The following SIL1 variants were observed in gnomAD, a reference collection of about 807,000 sequenced individuals.
The protein encoded by SIL1 is nucleotide exchange factor SIL1.
SIL1 carries 40 observed loss-of-function variants against 49.1 expected under a neutral mutation model. The observed-to-expected ratio is 0.81, with a 90% confidence interval of 0.63 to 1.06. SIL1 has a LOEUF of 1.06. Among genes scored for constraint, SIL1 ranks in the 50% least tolerant of loss-of-function variants. SIL1 has a pLI of 0.00. For missense variants in SIL1, 500 were observed against 572.6 expected, an observed-to-expected ratio of 0.87 and a Z score of 1.29; for synonymous variants, 253 against 250.8, an observed-to-expected ratio of 1.01 and a Z score of -0.08.
chr5:139,129,824 G>A (rs1240658838), intron 1 of SIL1, among the ~76,000 whole-genome samples: 2 of 152,158 alleles, frequency 1.3e-5, no homozygotes, highest in South Asian at 2.1e-4. Context: ...TTTAGCACTG[G>A]TTTCTTAAAT....
At chr5:139,172,164 AAAGAT>A (rs1751785361) in intron 1 of SIL1, among the ~76,000 whole-genome samples, 1 of 152,248 alleles carries the variant, frequency 6.6e-6, no homozygotes, top group Non-Finnish European at 1.5e-5. Context: ...CCCAGAAAGA[AAAGAT>A]AAGTAGCAGA....
intron 1 of SIL1, among the ~76,000 whole-genome samples, chr5:139,159,001 T>C (rs13181230): frequency 0.4 from 61,377 of 151,600 alleles, 13,466 homozygotes; most frequent in South Asian, 0.52. Context: ...GATAATACCC[T>C]AGAACTAATC....
chr5:139,095,878 A>G (rs1411581510), intron 3 of SIL1, among the ~76,000 whole-genome samples: 3 of 152,160 alleles, frequency 2.0e-5, no homozygotes, highest in Admixed American at 1.3e-4. Flanking sequence ...AACTTTTGAG[A>G]AGACACAGAA....
At chr5:139,154,790 C>T (rs943498241) in intron 1 of SIL1, among the ~76,000 whole-genome samples, 2 of 152,126 alleles carry the variant, frequency 1.3e-5, no homozygotes, top group Non-Finnish European at 2.9e-5. Context: ...TTGTAAAACA[C>T]CTTTTTAATC....
intron 3 of SIL1, among the ~76,000 whole-genome samples, chr5:139,059,798 G>C (rs1260237123): frequency 6.6e-6 from 1 of 152,056 alleles, no homozygotes; most frequent in Non-Finnish European, 1.5e-5. Flanking sequence ...TGATAGTTCA[G>C]ATTCCAATCT....
intron 5 of SIL1, among the ~76,000 whole-genome samples, chr5:139,029,621 C>T (rs182050209): frequency 2.6e-5 from 4 of 151,748 alleles, no homozygotes; most frequent in African/African-American, 4.8e-5. Context: ...TCCACCCCAG[C>T]GTGAGTAGTT....
intron 3 of SIL1, among the ~76,000 whole-genome samples, chr5:139,058,812 C>T (rs1769516926): frequency 6.6e-6 from 1 of 152,130 alleles, no homozygotes; most frequent in Non-Finnish European, 1.5e-5. Context: ...GAATCAGCCA[C>T]TTCTAACGAG....
At chr5:139,080,550 C>T (rs571797963) in intron 3 of SIL1, among the ~76,000 whole-genome samples, 1 of 152,334 alleles carries the variant, frequency 6.6e-6, no homozygotes, top group Admixed American at 6.5e-5. Flanking sequence ...CCATAAAAGA[C>T]AAACTCATAC....
chr5:139,173,665 A>G (rs1320101907), intron 1 of SIL1, among the ~76,000 whole-genome samples: 2 of 151,034 alleles, frequency 1.3e-5, no homozygotes, highest in African/African-American at 4.9e-5. Context: ...AGGAAAGATC[A>G]GCCAGGCACG....
chr5:138,974,615 C>T (rs1767354637), intron 7 of SIL1, among the ~76,000 whole-genome samples: 1 of 152,168 alleles, frequency 6.6e-6, no homozygotes, highest in African/African-American at 2.4e-5. Flanking sequence ...GTAGTTCAGG[C>T]ATCACGTGGA....
chr5:139,101,929 T>A (rs1020786730), intron 3 of SIL1, among the ~76,000 whole-genome samples: 1 of 152,184 alleles, frequency 6.6e-6, no homozygotes, highest in Non-Finnish European at 1.5e-5. Flanking sequence ...GCATCTGATG[T>A]TAGTGCAGAG....
At chr5:139,110,996 G>A (rs1205426337) in intron 3 of SIL1, among the ~76,000 whole-genome samples, 2 of 152,200 alleles carry the variant, frequency 1.3e-5, no homozygotes, top group African/African-American at 4.8e-5. Context: ...GCACTGCCCA[G>A]GGCTCAGATT....
chr5:139,049,534 A>C lies in SIL1; in HGVS notation c.353+1404T>G, dbSNP rs370161372. Reference sequence around the variant, plus strand: ...CTGGGCACAGTGGTCCACATCTGTTATCCCAGCACTTTGGGAGGCCAGGGC... The same window carrying C: ...CTGGGCACAGTGGTCCACATCTGTTCTCCCAGCACTTTGGGAGGCCAGGGC... On this transcript the variant is annotated intron_variant, in intron 4 of 9. Coordinates refer to ENST00000394817, the MANE Select transcript of SIL1 (RefSeq NM_022464.5). 9.8e-5 allele frequency among the ~76,000 whole-genome samples: 15 copies of C among 152,286 alleles called. No homozygotes were observed. The East Asian group carries it at 2.3e-3, about 24-fold the overall frequency.
chr5:139,196,248 G>A (rs935331710), intron 1 of SIL1, among the ~76,000 whole-genome samples: 2 of 151,996 alleles, frequency 1.3e-5, no homozygotes, highest in Admixed American at 1.3e-4. Flanking sequence ...CTGATCTCTC[G>A]CATGGTTCAA....
chr5:139,030,742 A>G (rs1768771335), intron 5 of SIL1, among the ~76,000 whole-genome samples: 1 of 152,106 alleles, frequency 6.6e-6, no homozygotes, highest in Non-Finnish European at 1.5e-5. Context: ...AACTCCTAGA[A>G]TCAAGCGATC....
At chr5:139,028,566 A>G (rs1043490769) in intron 5 of SIL1, among the ~76,000 whole-genome samples, 7 of 152,228 alleles carry the variant, frequency 4.6e-5, no homozygotes, top group African/African-American at 1.7e-4. Flanking sequence ...TGAAATAATT[A>G]TAAATTCCCA....
At chr5:138,982,037 A>G (rs1240903511) in intron 7 of SIL1, among the ~76,000 whole-genome samples, 1 of 152,162 alleles carries the variant, frequency 6.6e-6, no homozygotes. Flanking sequence ...CCATAACAGT[A>G]CTTACTTGGC....
At chr5:139,036,966 T>C (rs1486341197) in intron 5 of SIL1, among the ~76,000 whole-genome samples, 2 of 152,184 alleles carry the variant, frequency 1.3e-5, no homozygotes, top group Non-Finnish European at 2.9e-5. Context: ...TTTCTTTCTA[T>C]TATTCTTTTT....
At position 139,042,653 on chromosome 5, in the gene SIL1, C is replaced by T. The variant is rs1334691719; in HGVS notation, c.420G>A (p.Glu140=). The part of the protein sequence containing the change: ...DLKSALAKFK[E]GAEMESSKED... ...CCTTTGAACTCTCCATCTCTGCCCC[C>T]TCCTTGAATTTTGCCAGTGCACTCT... The change falls in exon 5 of 10, where the codon GAG becomes GAA. Residue 140 remains glutamate, a synonymous_variant. Coordinates refer to ENST00000394817, the MANE Select transcript of SIL1 (RefSeq NM_022464.5). 1.9e-6 allele frequency: 3 copies of T among 1,614,132 alleles called. No homozygotes were observed. The highest frequency in any genetic ancestry group is 2.7e-5 in the African/African-American group (2 of 75,008).
Sources: allele counts gnomAD v4.1 joint callset (sites outside exome capture counted in the v4.1 genomes callset), GRCh38; gene constraint gnomAD v4.1.1; transcripts MANE v1.5; gene names NCBI Gene and HGNC (gene_info 2026-07-23, HGNC 2026-07-21).